The following MYOM1 variants were observed in gnomAD, a reference collection of about 807,000 sequenced individuals.
MYOM1 encodes the protein myomesin-1.
Under a neutral mutation model 205.3 loss-of-function variants are expected in MYOM1, and 164 were observed. That is an observed-to-expected ratio of 0.80 (90% CI 0.70 to 0.91). The LOEUF is 0.91. Among genes scored for constraint, MYOM1 ranks in the 40% least tolerant of loss-of-function variants. The pLI, the probability that MYOM1 is intolerant of heterozygous loss-of-function variation, is 0.00. For missense variants in MYOM1, 2,011 were observed against 2,127.3 expected, an observed-to-expected ratio of 0.95 and a Z score of 1.08; for synonymous variants, 772 against 789.4, an observed-to-expected ratio of 0.98 and a Z score of 0.37.
intron 2 of MYOM1, among the ~76,000 whole-genome samples, chr18:3,194,706 T>C (rs2080969396): frequency 6.6e-6 from 1 of 152,168 alleles, no homozygotes; most frequent in Non-Finnish European, 1.5e-5. Context: ...TATATAGCTC[T>C]TGAATGAAAT....
Position 3,089,721 on chromosome 18 carries a change from T to A in MYOM1, c.4010-125A>T, listed in dbSNP as rs187527625. ...TCATACATTGTGACAACCCTGCTCA[T>A]TTTTTATCTTTATAGATGAAGAAAT... is the stretch of plus-strand genomic sequence containing the variant. On this transcript the variant is annotated intron_variant, in intron 27 of 37. Coordinates refer to ENST00000356443, the MANE Select transcript of MYOM1 (RefSeq NM_003803.4). 644 of 602,040 alleles carry A rather than the reference T, an allele frequency of 1.1e-3. 1 individual carries two copies. Among genetic ancestry groups the A allele is most frequent in the South Asian group, 2.2e-3 (70 of 31,458 alleles). 37.3% of individuals were successfully genotyped at this position (602,040 alleles called of 1,614,324 possible). A position where few individuals can be genotyped will look rare whatever the true frequency, so the allele number is the denominator to read the frequency against.
chr18:3,159,688 G>C (rs982708703), intron 10 of MYOM1, among the ~76,000 whole-genome samples: 2 of 152,148 alleles, frequency 1.3e-5, no homozygotes, highest in African/African-American at 4.8e-5. Flanking sequence ...CTTACAACAT[G>C]AATGAACCTC....
intron 2 of MYOM1, among the ~76,000 whole-genome samples, chr18:3,210,831 C>T (rs1048304106): frequency 3.9e-5 from 6 of 152,174 alleles, no homozygotes; most frequent in African/African-American, 1.2e-4. Context: ...AACTACTCTG[C>T]TACTTTCTAG....
the MYOM1 span, among the ~76,000 whole-genome samples, chr18:3,227,595 A>C: frequency 6.6e-6 from 1 of 152,068 alleles, no homozygotes; most frequent in African/African-American, 2.4e-5. Context: ...GAGGTGGGCG[A>C]GTCACAAGGT....
intron 25 of MYOM1, among the ~76,000 whole-genome samples, chr18:3,099,667 G>T (rs1054793125): frequency 6.6e-6 from 1 of 152,106 alleles, no homozygotes; most frequent in Non-Finnish European, 1.5e-5. Flanking sequence ...TTGTTCAGAG[G>T]GATTCTTTTT....
At position 3,152,945 on chromosome 18, in the gene MYOM1, T is replaced by C. The variant is rs2080242561; in HGVS notation, c.1644-1052A>G. On this transcript the variant is annotated intron_variant, in intron 11 of 37. Transcript: ENST00000356443. This position sits in a 1 kb window ranked among gnomAD's most constrained non-coding sequence, Gnocchi z 4.3. ...TTTCCTTATGTAAAGTGCTGTCAAA[T>C]GTGGCTTCAATCCCTGCCTTCCATC... 6.6e-6 allele frequency among the ~76,000 whole-genome samples: 1 copy of C among 152,166 alleles called. No individual in the cohort carries two copies. Among genetic ancestry groups the C allele is most frequent in the Admixed American group, 6.5e-5 (1 of 15,274 alleles).
At position 3,124,486 on chromosome 18, in the gene MYOM1, G is replaced by A. The variant is rs561864285; in HGVS notation, c.2991+2215C>T. On this transcript the variant is annotated intron_variant, in intron 19 of 37. Coordinates refer to ENST00000356443, the MANE Select transcript of MYOM1 (RefSeq NM_003803.4). ...CGAGGAGCTGAGTGCCCGCCACCACGCCCGGCTAATTTTTTTGTATTTTTA... is the reference window on the plus strand; with the variant it reads ...CGAGGAGCTGAGTGCCCGCCACCACACCCGGCTAATTTTTTTGTATTTTTA... Among the ~76,000 whole-genome samples the A allele has an allele frequency of 1.3e-3, 201 of 151,448 alleles. 2 individuals are homozygous for A. The highest frequency in any genetic ancestry group is 4.5e-3 in the African/African-American group (186 of 41,058).
At chr18:3,155,330 T>G (rs1598729165) in intron 10 of MYOM1, among the ~76,000 whole-genome samples, 1 of 152,174 alleles carries the variant, frequency 6.6e-6, no homozygotes, top group South Asian at 2.1e-4. Flanking sequence ...CACGCCATTC[T>G]CCTGCCTCAG....
intron 17 of MYOM1, among the ~76,000 whole-genome samples, chr18:3,130,099 C>T (rs1598704306): frequency 6.6e-6 from 1 of 151,138 alleles, no homozygotes; most frequent in Non-Finnish European, 1.5e-5. Flanking sequence ...CTGGAGTGCA[C>T]TGGCGCAATC....
Position 3,094,172 on chromosome 18 carries a change from G to C in MYOM1, c.3862C>G (p.Pro1288Ala). 6.2e-7 allele frequency: 1 copy of C among 1,613,688 alleles called. No individual in the cohort carries two copies. Among genetic ancestry groups the C allele is most frequent in the Non-Finnish European group, 8.5e-7 (1 of 1,179,786 alleles). ...IFNEKEIFEG[P>A]KYKMHIDRNT... ...AGTCTAAACAGTGTAAAACCTACCG[G>C]GCCTTCAAAAATTTCCTTCTCGTTA... The change falls in exon 26 of 38, where the codon CCG becomes GCG. Residue 1288 changes from proline (P) to alanine (A), a missense_variant and splice_region_variant. By Grantham distance (27) the Pro-to-Ala change is conservative. Transcript: ENST00000356443.
At chr18:3,198,282 G>T (rs982567760) in intron 2 of MYOM1, among the ~76,000 whole-genome samples, 1 of 152,182 alleles carries the variant, frequency 6.6e-6, no homozygotes, top group South Asian at 2.1e-4. Flanking sequence ...GAGAAAGGAT[G>T]AACTGTGGGC....
intron 34 of MYOM1, 146 bp from the exon 35 acceptor site, chr18:3,075,907 T>G: frequency 1.4e-6 from 1 of 699,546 alleles, no homozygotes; most frequent in Non-Finnish European, 2.5e-6. Context: ...ATGTGTTCAC[T>G]CCACAGCTTA....
Position 3,142,035 on chromosome 18 carries a change from G to A in MYOM1, c.1929C>T (p.Asp643=). 1.2e-6 allele frequency: 2 copies of A among 1,613,816 alleles called. No individual in the cohort carries two copies. The highest frequency in any genetic ancestry group is 1.7e-6 in the Non-Finnish European group (2 of 1,179,820). Residue 643 remains aspartate, a synonymous_variant, in exon 14 of 38, where the codon GAC becomes GAT. Coordinates refer to ENST00000356443, the MANE Select transcript of MYOM1 (RefSeq NM_003803.4). ...SEGIVPGPPT[D]LSVTEATRSY... is the part of the protein sequence containing the mutation. The stretch of plus-strand genomic sequence containing the variant: ...TCCGGGTGGCCTCAGTGACAGAGAG[G>A]TCTGTCGGGGGGCCAGGCACAATAC...
the MYOM1 span, among the ~76,000 whole-genome samples, chr18:3,225,240 G>A: frequency 1.3e-5 from 2 of 152,056 alleles, no homozygotes; most frequent in African/African-American, 4.8e-5. Context: ...GCCCGCCTTG[G>A]CCTCCCAAAG....
intron 33 of MYOM1, among the ~76,000 whole-genome samples, chr18:3,080,246 T>C (rs1301816486): frequency 6.6e-6 from 1 of 152,166 alleles, no homozygotes; most frequent in East Asian, 1.9e-4. Flanking sequence ...AATGTTCATA[T>C]TATGGCTGGT....
chr18:3,192,963 G>A (rs188182337), intron 3 of MYOM1, among the ~76,000 whole-genome samples: 28 of 151,782 alleles, frequency 1.8e-4, no homozygotes, highest in African/African-American at 6.5e-4. Flanking sequence ...TGTCATCTTG[G>A]GTTTTTTTTT....
chr18:3,225,797 T>C, the MYOM1 span, among the ~76,000 whole-genome samples: 41 of 152,314 alleles, frequency 2.7e-4, no homozygotes, highest in East Asian at 7.7e-3. Context: ...TCCCCCTCTC[T>C]GGTTAATGAA....
chr18:3,090,916 T>C (rs764530802), intron 26 of MYOM1, 114 bp from the exon 27 acceptor site: 3 of 1,303,526 alleles, frequency 2.3e-6, no homozygotes, highest in Non-Finnish European at 3.2e-6. Flanking sequence ...CAGTGCCTGT[T>C]CATGCCTGTA....
chr18:3,234,880 GTCTC>G, the MYOM1 span, among the ~76,000 whole-genome samples: 4 of 151,590 alleles, frequency 2.6e-5, no homozygotes, highest in Non-Finnish European at 4.4e-5. Flanking sequence ...GAAAAATTTG[GTCTC>G]TCTTTCAGTT....
Sources: gnomAD v4.1 joint callset for allele counts (sites outside exome capture counted in the v4.1 genomes callset) on GRCh38, gnomAD v4.1.1 for gene constraint, Gnocchi (gnomAD v3.1) non-coding constraint, MANE v1.5 for transcripts, NCBI Gene and HGNC (gene_info 2026-07-23, HGNC 2026-07-21) for gene names.